The following PCDHA5 variants were observed in gnomAD, a reference collection of about 807,000 sequenced individuals.
PCDHA5 encodes the protein protocadherin alpha-5.
A neutral mutation model predicts 61.6 loss-of-function variants in PCDHA5; 43 were observed. The observed-to-expected ratio is 0.70, with a 90% CI of 0.55 to 0.90. The LOEUF (loss-of-function observed/expected upper bound fraction) is 0.90. PCDHA5 is among the 40% of genes least tolerant of loss of function. The pLI, the probability that PCDHA5 is intolerant of heterozygous loss-of-function variation, is 0.00. For synonymous variants in PCDHA5, 627 were observed against 543.9 expected (o/e 1.15, Z -2.13); for missense variants, 1,298 against 1,222.7 (o/e 1.06, Z -0.92).
intron 3 of PCDHA5, among the ~76,000 whole-genome samples, chr5:140,993,767 G>T (rs115607244): frequency 1.3e-5 from 2 of 152,010 alleles, no homozygotes; most frequent in African/African-American, 4.8e-5. Flanking sequence ...TTACAATTGC[G>T]CAGTATTTTG....
chr5:140,927,171 C>G (rs1554204119), intron 1 of PCDHA5: 5 of 1,614,164 alleles, frequency 3.1e-6, no homozygotes. Context: ...AAGCTGCCTG[C>G]GTCTTGACCT....
intron 1 of PCDHA5, chr5:140,858,242 C>G (rs1554151322): frequency 6.3e-7 from 1 of 1,596,300 alleles, no homozygotes; most frequent in Non-Finnish European, 8.6e-7. Flanking sequence ...CGCATGTGGG[C>G]CGGTGAAGCC....
At chr5:140,829,634 G>A (rs2150171830) in intron 1 of PCDHA5, 2 of 1,612,200 alleles carry the variant, frequency 1.2e-6, no homozygotes, top group African/African-American at 2.7e-5. Context: ...CGCGGAGAGC[G>A]GCAAGGTGTA....
chr5:140,877,401 G>T (rs183471635), intron 1 of PCDHA5: 1 of 1,613,944 alleles, frequency 6.2e-7, no homozygotes, highest in East Asian at 2.2e-5. Flanking sequence ...CGGACGCTCC[G>T]CGCCACCGCC....
rs782443702 is a variant in PCDHA5 at position 140,824,610 on chromosome 5, G to GTTTTTTTTTTTTTTTTTTT, written c.2352+487_2352+505dup. 21 of 95,112 alleles carry GTTTTTTTTTTTTTTTTTTT rather than the reference G, an allele frequency of 2.2e-4. 4 individuals carry two copies. Among genetic ancestry groups the GTTTTTTTTTTTTTTTTTTT allele is most frequent in the Middle Eastern group, 6.7e-3 (1 of 150 alleles). 5.9% of individuals were successfully genotyped at this position (95,112 alleles called of 1,614,324 possible). A position where few individuals can be genotyped will look rare whatever the true frequency, so the allele number is the denominator to read the frequency against. On this transcript the variant is annotated intron_variant, in intron 1 of 3. Transcript: ENST00000529859. ...GGACTACATGCACATGCTAATTAAA[G>GTTTTTTTTTTTTTTTTTTT]TTTTTTTTTTTTTTTTTTTTTTATT...
Position 140,875,657 on chromosome 5 carries a change from G to T in PCDHA5, c.2352+51530G>T, listed in dbSNP as rs1241102848. 6 of 1,613,738 alleles carry T rather than the reference G, an allele frequency of 3.7e-6. No homozygotes were observed. The East Asian group carries it at 1.1e-4, about 30-fold the overall frequency. Reference sequence around the variant, plus strand: ...CTGGAGCTGGCGGAGCTGGTGCCGCGCCTGTTCCGGGTGGCGTCCAAAAGA... The same window carrying T: ...CTGGAGCTGGCGGAGCTGGTGCCGCTCCTGTTCCGGGTGGCGTCCAAAAGA... On this transcript the variant is annotated intron_variant, in intron 1 of 3. Coordinates refer to ENST00000529859, the MANE Select transcript of PCDHA5 (RefSeq NM_018908.3).
At chr5:140,849,775 C>T (rs369759015) in intron 1 of PCDHA5, 5 of 1,598,318 alleles carry the variant, frequency 3.1e-6, no homozygotes, top group African/African-American at 1.3e-5. Context: ...GTGGTTACCG[C>T]GCGGGACGGG....
rs2150351099 is a variant in PCDHA5 at position 140,843,050 on chromosome 5, G to C, written c.2352+18923G>C. ...TCGGGTGGGTGGCACTGGTGGCGCA[G>C]CGAGCAAGCTGGTGCCGCGGTCTGT... On this transcript the variant is annotated intron_variant, in intron 1 of 3. Coordinates refer to ENST00000529859, the MANE Select transcript of PCDHA5 (RefSeq NM_018908.3). 4 of 1,595,142 alleles carry C rather than the reference G, an allele frequency of 2.5e-6. 1 individual carries two copies. The highest frequency in any genetic ancestry group is 3.4e-6 in the Non-Finnish European group (4 of 1,165,280).
chr5:140,830,021 C>A lies in PCDHA5; in HGVS notation c.2352+5894C>A, dbSNP rs2150179777. ...TGTCCTGGACGAAGCGGACTCTCCG[C>A]GCCACCGGCTGCTGGTGCTGGTGAA... On this transcript the variant is annotated intron_variant, in intron 1 of 3. Transcript: ENST00000529859. 4.3e-6 allele frequency: 7 copies of A among 1,613,920 alleles called. 1 individual carries two copies. Among genetic ancestry groups the A allele is most frequent in the Non-Finnish European group, 5.9e-6 (7 of 1,179,918 alleles).
At chr5:140,839,656 G>A (rs2150299542) in intron 1 of PCDHA5, among the ~76,000 whole-genome samples, 4 of 152,154 alleles carry the variant, frequency 2.6e-5, no homozygotes, top group Admixed American at 1.3e-4. Context: ...CAAATTGTTT[G>A]CTACTATTTA....
chr5:140,850,133 C>T, intron 1 of PCDHA5: 1 of 1,595,806 alleles, frequency 6.3e-7, no homozygotes, highest in Non-Finnish European at 8.6e-7. Flanking sequence ...CGCCTCTGGG[C>T]AGCAACGTGA....
At chr5:140,953,058 C>T (rs1186621578) in intron 1 of PCDHA5, among the ~76,000 whole-genome samples, 1 of 152,202 alleles carries the variant, frequency 6.6e-6, no homozygotes, top group African/African-American at 2.4e-5. Flanking sequence ...TCACCTCTCA[C>T]AGGCCCCATC....
intron 1 of PCDHA5, among the ~76,000 whole-genome samples, chr5:140,895,802 CTGTATTGTAT>C (rs1289601886): frequency 6.6e-6 from 1 of 152,048 alleles, no homozygotes; most frequent in Admixed American, 6.6e-5. Context: ...ATGTACAATA[CTGTATTGTAT>C]TGTATTGTAT....
intron 1 of PCDHA5, among the ~76,000 whole-genome samples, chr5:140,962,388 C>T (rs782676502): frequency 5.9e-5 from 9 of 152,254 alleles, no homozygotes; most frequent in South Asian, 4.1e-4. Flanking sequence ...GTTAATATTA[C>T]GCAATCTGCC....
rs1554156315 is a variant in PCDHA5 at position 140,862,411 on chromosome 5, A to C, written c.2352+38284A>C. ...CTTCAAGCTGGTGTCTACCTTCAAA[A>C]GGCGCTGCCCAGAAACTATTCGTTG... On this transcript the variant is annotated intron_variant, in intron 1 of 3. Transcript: ENST00000529859. 3 of 349,868 alleles carry C rather than the reference A, an allele frequency of 8.6e-6. No individual in the cohort carries two copies. The Admixed American group carries it at 1.1e-4, about 13-fold the overall frequency. The allele number at this position is 349,868 out of a possible 1,614,324, so 21.7% of individuals were successfully genotyped here.
intron 3 of PCDHA5, among the ~76,000 whole-genome samples, chr5:140,990,256 A>G (rs2153888367): frequency 6.6e-6 from 1 of 152,332 alleles, no homozygotes; most frequent in Middle Eastern, 3.4e-3. Flanking sequence ...TCTGCTGGAT[A>G]CCAAACAATG....
intron 1 of PCDHA5, chr5:140,843,660 T>C (rs2150364651): frequency 6.3e-7 from 1 of 1,594,154 alleles, no homozygotes; most frequent in Non-Finnish European, 8.6e-7. Flanking sequence ...CCTCCTGATC[T>C]GGGATCAGTT....
chr5:140,928,597 A>G (rs1554206042), intron 1 of PCDHA5: 1 of 1,614,226 alleles, frequency 6.2e-7, no homozygotes, highest in East Asian at 2.2e-5. Context: ...CCCAGTGGAA[A>G]TTGTGCCCCG....
chr5:140,846,981 G>T (rs1054383411), intron 1 of PCDHA5, among the ~76,000 whole-genome samples: 3 of 149,582 alleles, frequency 2.0e-5, no homozygotes, highest in Admixed American at 1.3e-4. Flanking sequence ...AAATAAGTAA[G>T]TTCCCCCCGG....
Sources: gnomAD v4.1 joint callset for allele counts (sites outside exome capture counted in the v4.1 genomes callset) on GRCh38, gnomAD v4.1.1 for gene constraint, MANE v1.5 for transcripts, NCBI Gene and HGNC (gene_info 2026-07-23, HGNC 2026-07-21) for gene names.